RANGAP1: variants seen among roughly 807,000 people sequenced by gnomAD.
RANGAP1 encodes Ran GTPase activating protein 1, also known as ran GTPase-activating protein 1.
Under a neutral mutation model 63.5 loss-of-function variants are expected in RANGAP1, and 38 were observed. The ratio of observed to expected loss-of-function variants is 0.60; its 90% CI spans 0.46 to 0.78. The LOEUF (loss-of-function observed/expected upper bound fraction) is 0.78, where lower values mean the gene tolerates loss of function less well. RANGAP1 is among the 30% of genes least tolerant of loss of function. The pLI is 0.00. For synonymous variants in RANGAP1, 329 were observed against 310.5 expected (o/e 1.06, Z -0.63); for missense variants, 630 against 740.3 (o/e 0.85, Z 1.73).
chr22:41,281,481 C>A, intron 1 of RANGAP1: 1 of 994,836 alleles, frequency 1.0e-6, no homozygotes, highest in Non-Finnish European at 1.2e-6. Context: ...TGGCTGTTCT[C>A]TGTTTGAGGG....
At chr22:41,264,485 C>T (rs1418702138) in intron 5 of RANGAP1, among the ~76,000 whole-genome samples, 179 bp downstream of exon 5, 1 of 152,256 alleles carries the variant, frequency 6.6e-6, no homozygotes, top group African/African-American at 2.4e-5. Context: ...GGTTGCTTGG[C>T]AACCCCACCC....
In RANGAP1 at chr22:41,257,978, G is replaced by C; in HGVS notation, c.744C>G (p.Phe248Leu). 6.2e-7 allele frequency: 1 copy of C among 1,612,778 alleles called. No individual in the cohort carries two copies. Among genetic ancestry groups the C allele is most frequent in the Non-Finnish European group, 8.5e-7 (1 of 1,179,254 alleles). ...CCATGGCCACGGCGCCCTTCTCAGT[G>C]AAGGTGTTGTCATTCAGGTTGATGA... ...LRVINLNDNT[F>L]TEKGAVAMAE... The change falls in exon 7 of 16, where the codon TTC becomes TTG. Residue 248 changes from phenylalanine (F) to leucine (L), a missense_variant. Physicochemically the swap from Phe to Leu is conservative, Grantham distance 22. Transcript: ENST00000356244. The surrounding 1 kb of genome is among the most constrained non-coding windows in gnomAD (Gnocchi z 4.0).
At chr22:41,292,178 G>A in the RANGAP1 span, among the ~76,000 whole-genome samples, 23 of 151,524 alleles carry the variant, frequency 1.5e-4, no homozygotes, top group Admixed American at 5.3e-4. Flanking sequence ...ACGGAGTTTC[G>A]CTCTCATTGC....
At chr22:41,269,728 A>AAAG (rs1673926603) in intron 3 of RANGAP1, among the ~76,000 whole-genome samples, 1 of 150,370 alleles carries the variant, frequency 6.7e-6, no homozygotes, top group Non-Finnish European at 1.5e-5. Context: ...GGCGACACAG[A>AAAG]AAGACTCTCT....
At chr22:41,300,769 C>T in the RANGAP1 span, among the ~76,000 whole-genome samples, 1 of 152,060 alleles carries the variant, frequency 6.6e-6, no homozygotes, top group Non-Finnish European at 1.5e-5. Context: ...CTGCACCCAG[C>T]CCTGATTGTC....
upstream of RANGAP1, among the ~76,000 whole-genome samples, chr22:41,287,374 T>TTTG (rs919533819): frequency 6.2e-5 from 8 of 130,044 alleles, no homozygotes; most frequent in Non-Finnish European, 1.4e-4. Context: ...AAACAGCGTT[T>TTTG]TTTTTTTGTT....
rs984151077 is a variant in RANGAP1, at chr22:41,265,498, C to G, written c.301-655G>C. ...GGAGAGGAGCTGCCTGTTCATGGAGCAGGGGACATGCAGAAGCTGTTGGTT... is the reference window on the plus strand; with the variant it reads ...GGAGAGGAGCTGCCTGTTCATGGAGGAGGGGACATGCAGAAGCTGTTGGTT... On this transcript the variant is annotated intron_variant, in intron 4 of 15. Coordinates refer to ENST00000356244, the MANE Select transcript of RANGAP1 (RefSeq NM_002883.4). Among the ~76,000 whole-genome samples the G allele has an allele frequency of 8.5e-5, 13 of 152,288 alleles. No individual in the cohort carries two copies. In the East Asian group the frequency reaches 2.5e-3, roughly 29 times the overall value.
chr22:41,258,996 G>A (rs1289824725), intron 6 of RANGAP1, among the ~76,000 whole-genome samples: 1 of 151,890 alleles, frequency 6.6e-6, no homozygotes, highest in Non-Finnish European at 1.5e-5. Context: ...TGAGTTCTAG[G>A]GCTCTTGTTT....
At chr22:41,280,520 C>A (rs575259161) in intron 2 of RANGAP1, among the ~76,000 whole-genome samples, 82 of 152,198 alleles carry the variant, frequency 5.4e-4, no homozygotes, top group Admixed American at 2.4e-3. Flanking sequence ...TGTTTTAATG[C>A]AGCTCCACCA....
At chr22:41,290,076 G>A (rs1029546492), upstream of RANGAP1, among the ~76,000 whole-genome samples, 2 of 151,462 alleles carry the variant, frequency 1.3e-5, no homozygotes, top group Admixed American at 6.6e-5. Context: ...GAACGTGGAG[G>A]TTGGTTGCAG....
the RANGAP1 span, among the ~76,000 whole-genome samples, chr22:41,293,874 G>C: frequency 6.6e-6 from 1 of 151,632 alleles, no homozygotes; most frequent in South Asian, 2.1e-4. Context: ...GCCCAGGCTA[G>C]TTAGTCTCAA....
chr22:41,297,205 C>G, the RANGAP1 span, among the ~76,000 whole-genome samples: 1 of 152,120 alleles, frequency 6.6e-6, no homozygotes, highest in Non-Finnish European at 1.5e-5. Context: ...GAGCAAGACT[C>G]CCTCTCAAAA....
intron 5 of RANGAP1, among the ~76,000 whole-genome samples, chr22:41,263,372 C>T (rs1038797181): frequency 1.3e-5 from 2 of 152,016 alleles, no homozygotes; most frequent in African/African-American, 4.8e-5. Context: ...TTATATGTTT[C>T]TGTTTGTTTG....
intron 3 of RANGAP1, among the ~76,000 whole-genome samples, chr22:41,269,515 A>C (rs576965025): frequency 6.6e-6 from 1 of 151,848 alleles, no homozygotes; most frequent in East Asian, 1.9e-4. Context: ...CAGGCAGATC[A>C]CCTGAGGTCA....
At chr22:41,298,236 C>G in the RANGAP1 span, among the ~76,000 whole-genome samples, 1 of 151,042 alleles carries the variant, frequency 6.6e-6, no homozygotes, top group Admixed American at 6.6e-5. Context: ...CTCCTGACCT[C>G]GTGACCCACC....
intron 11 of RANGAP1, 139 bp downstream of exon 11, chr22:41,254,169 A>G: frequency 3.6e-6 from 3 of 839,050 alleles, no homozygotes; most frequent in Non-Finnish European, 5.6e-6. Flanking sequence ...TCCTTTTTTT[A>G]CTCAATATCA....
Position 41,254,459 on chromosome 22 carries a change from TCTC to T in RANGAP1, c.1106_1108del (p.Gly369del). 1 of 1,608,196 alleles carries T rather than the reference TCTC, an allele frequency of 6.2e-7. No homozygotes were observed. The highest frequency in any genetic ancestry group is 8.5e-7 in the Non-Finnish European group (1 of 1,178,382). ...TTCTTCTGCTTCCTCTTCTTCCTCT[TCTC>T]CTTCCTCCTCCTCCTCCTCGTCCTC... On this transcript the variant is annotated inframe_deletion, in exon 11 of 16. Transcript: ENST00000356244.
chr22:41,261,577 G>A lies in RANGAP1; in HGVS notation c.484C>T (p.Leu162=). 1 of 1,614,230 alleles carries A rather than the reference G, an allele frequency of 6.2e-7. No homozygotes were observed. Among genetic ancestry groups the A allele is most frequent in the South Asian group, 1.1e-5 (1 of 91,086 alleles). The change falls in exon 6 of 16, where the codon CTG becomes TTG. Residue 162 remains leucine (L), a synonymous_variant. Transcript: ENST00000356244. ...CGMGIGGGKI[L]AAALTECHRK... ...TGACATTCGGTCAGAGCTGCAGCCA[G>A]GATCTGTGGGGAAAGGCAAGGGGCC...
intron 12 of RANGAP1, among the ~76,000 whole-genome samples, chr22:41,251,937 A>C (rs1272955265): frequency 6.6e-6 from 1 of 152,256 alleles, no homozygotes; most frequent in Non-Finnish European, 1.5e-5. Flanking sequence ...CAAAGAATAC[A>C]GGCAAAACCT....
Sources: gnomAD v4.1 joint callset for allele counts (sites outside exome capture counted in the v4.1 genomes callset) on GRCh38, gnomAD v4.1.1 for gene constraint, Gnocchi (gnomAD v3.1) non-coding constraint, MANE v1.5 for transcripts, NCBI Gene and HGNC (gene_info 2026-07-23, HGNC 2026-07-21) for gene names.